Variants in VPS13B observed in about 807,000 individuals in gnomAD.
VPS13B encodes the protein vacuolar protein sorting 13 homolog B.
VPS13B carries 285 observed loss-of-function variants against 426.4 expected under a neutral mutation model. That is an observed-to-expected ratio of 0.67 (90% CI 0.61 to 0.74). The LOEUF (loss-of-function observed/expected upper bound fraction) is 0.74, where lower values mean the gene tolerates loss of function less well. VPS13B is among the 30% of genes least tolerant of loss of function. The pLI, the probability that VPS13B is intolerant of heterozygous loss-of-function variation, is 0.00. For missense variants in VPS13B, 4,537 were observed against 4,782.6 expected (o/e 0.95, Z 1.51); for synonymous variants, 1,676 against 1,676.4 (o/e 1.00, Z 0.01).
chr8:99,425,837 A>C (rs1199466888), intron 21 of VPS13B, among the ~76,000 whole-genome samples: 2 of 152,246 alleles, frequency 1.3e-5, no homozygotes, highest in Non-Finnish European at 2.9e-5. Flanking sequence ...TTAAGCTGAT[A>C]GGCAACTTCA....
intron 3 of VPS13B, among the ~76,000 whole-genome samples, chr8:99,079,126 A>G (rs1049557374): frequency 2.0e-5 from 3 of 152,020 alleles, no homozygotes; most frequent in Non-Finnish European, 4.4e-5. Flanking sequence ...GTTGGTGGGC[A>G]CGGCTGGTCT....
At chr8:99,435,283 G>A (rs527283323) in intron 22 of VPS13B, among the ~76,000 whole-genome samples, 2 of 152,252 alleles carry the variant, frequency 1.3e-5, no homozygotes, top group Admixed American at 6.5e-5. Flanking sequence ...GCTATTTCAT[G>A]ATAATAGAAG....
chr8:99,282,596 T>C (rs1819224352), intron 19 of VPS13B, among the ~76,000 whole-genome samples: 1 of 152,200 alleles, frequency 6.6e-6, no homozygotes, highest in South Asian at 2.1e-4. Flanking sequence ...GATGATACCT[T>C]TTAAAGTATC....
intron 55 of VPS13B, among the ~76,000 whole-genome samples, chr8:99,853,231 G>A (rs1193987678): frequency 6.6e-6 from 1 of 152,134 alleles, no homozygotes; most frequent in African/African-American, 2.4e-5. Context: ...AACATGACAA[G>A]AGCTTGTAAT....
chr8:99,644,880 T>C (rs1423141243), intron 34 of VPS13B, among the ~76,000 whole-genome samples: 1 of 152,198 alleles, frequency 6.6e-6, no homozygotes, highest in Non-Finnish European at 1.5e-5. Flanking sequence ...TGCCAGGCAT[T>C]GTCCTAACTG....
chr8:99,806,285 A>G lies in VPS13B; in HGVS notation c.7942-3090A>G, dbSNP rs1321437153. Among the ~76,000 whole-genome samples, 6 of 152,136 alleles carry G rather than the reference A, an allele frequency of 3.9e-5. No homozygotes were observed. In the South Asian group the frequency reaches 1.2e-3, roughly 32 times the overall value. ...TTTCTCTCGCCAGTTGAGATGGTTA[A>G]CCTTGTCCCGAGCATGTGTACTACT... On this transcript the variant is annotated intron_variant, in intron 43 of 61. Coordinates refer to ENST00000357162, the MANE Select transcript of VPS13B (RefSeq NM_152564.5).
chr8:99,611,475 A>G (rs1411153391), intron 33 of VPS13B, among the ~76,000 whole-genome samples: 6 of 151,908 alleles, frequency 3.9e-5, no homozygotes, highest in Non-Finnish European at 8.8e-5. Context: ...TGTTTTTTTT[A>G]TATGCATTAT....
chr8:99,226,143 A>C (rs1305223873), intron 17 of VPS13B, among the ~76,000 whole-genome samples: 3 of 152,188 alleles, frequency 2.0e-5, no homozygotes, highest in Admixed American at 6.5e-5. Context: ...ATGGGGTTTC[A>C]CTGTGTTAGC....
At chr8:99,715,401 C>A (rs1399880195) in intron 36 of VPS13B, among the ~76,000 whole-genome samples, 1 of 152,132 alleles carries the variant, frequency 6.6e-6, no homozygotes, top group Non-Finnish European at 1.5e-5. Flanking sequence ...CTTTCACTCA[C>A]TCATATTATT....
chr8:99,353,486 T>G (rs1812011906), intron 19 of VPS13B, among the ~76,000 whole-genome samples: 1 of 152,154 alleles, frequency 6.6e-6, no homozygotes, highest in East Asian at 1.9e-4. Context: ...GATTAAGGGA[T>G]TATTAATTTC....
At chr8:99,817,831 G>C (rs747038909) in intron 45 of VPS13B, 28 bp downstream of exon 45, 8 of 1,613,810 alleles carry the variant, frequency 5.0e-6, no homozygotes, top group Admixed American at 1.7e-5. Context: ...ATCTAGAATA[G>C]AGCAGCTTTA....
At chr8:99,324,339 C>G (rs1810131375) in intron 19 of VPS13B, among the ~76,000 whole-genome samples, 1 of 152,206 alleles carries the variant, frequency 6.6e-6, no homozygotes, top group Non-Finnish European at 1.5e-5. Context: ...ACTGCCCATT[C>G]CACTTCTATA....
At chr8:99,659,741 C>T (rs545177367) in intron 34 of VPS13B, among the ~76,000 whole-genome samples, 5 of 152,284 alleles carry the variant, frequency 3.3e-5, no homozygotes, top group Non-Finnish European at 7.4e-5. Context: ...ATTTAATCAT[C>T]TCTGTTCATT....
Position 99,235,995 on chromosome 8 carries a change from G to A in VPS13B, c.2516-38203G>A, listed in dbSNP as rs185872825. Among the ~76,000 whole-genome samples, 5 of 152,280 alleles carry A rather than the reference G, an allele frequency of 3.3e-5. No homozygotes were observed. In the East Asian group the frequency reaches 5.8e-4, roughly 18 times the overall value. On this transcript the variant is annotated intron_variant, in intron 17 of 61. Coordinates refer to ENST00000357162, the MANE Select transcript of VPS13B (RefSeq NM_152564.5). Reference sequence around the variant, plus strand: ...GTTTAAAAACAGCTGCGTAGTATCCGAATAAGTAATATAGGATGCATTTTA... The same window carrying A: ...GTTTAAAAACAGCTGCGTAGTATCCAAATAAGTAATATAGGATGCATTTTA...
intron 34 of VPS13B, among the ~76,000 whole-genome samples, chr8:99,658,313 C>T (rs969931450): frequency 4.6e-5 from 7 of 152,040 alleles, no homozygotes; most frequent in Admixed American, 1.3e-4. Context: ...AACACTAATA[C>T]TCAGAATATA....
At chr8:99,853,317 G>T in intron 55 of VPS13B, 134 bp from the exon 56 acceptor site, 1 of 879,606 alleles carries the variant, frequency 1.1e-6, no homozygotes, top group Middle Eastern at 3.2e-4. Context: ...TGAAAGTTGA[G>T]TTCTTATTTG....
intron 16 of VPS13B, among the ~76,000 whole-genome samples, chr8:99,192,128 GA>G (rs1442453795): frequency 7.9e-5 from 12 of 152,170 alleles, no homozygotes; most frequent in South Asian, 6.2e-4. Context: ...CAGACATATT[GA>G]AATGTTTTCT....
At chr8:99,180,324 G>C (rs1431228228) in intron 16 of VPS13B, among the ~76,000 whole-genome samples, 1 of 152,082 alleles carries the variant, frequency 6.6e-6, no homozygotes, top group African/African-American at 2.4e-5. Context: ...AACTCATGCT[G>C]CAACTCATTT....
At chr8:99,631,631 A>T (rs1039791613) in intron 33 of VPS13B, among the ~76,000 whole-genome samples, 8 of 151,772 alleles carry the variant, frequency 5.3e-5, no homozygotes, top group Non-Finnish European at 1.0e-4. Flanking sequence ...TGCTCTGACT[A>T]AAAAAAACTC....
Sources: gnomAD v4.1 joint callset for allele counts (sites outside exome capture counted in the v4.1 genomes callset) on GRCh38, gnomAD v4.1.1 for gene constraint, MANE v1.5 for transcripts, NCBI Gene and HGNC (gene_info 2026-07-23, HGNC 2026-07-21) for gene names.